The following SLCO1B1 variants were observed in gnomAD, a reference collection of about 807,000 sequenced individuals.
SLCO1B1 encodes OATP-2.
Under a neutral mutation model 70.1 loss-of-function variants are expected in SLCO1B1, and 81 were observed. That is an observed-to-expected ratio of 1.16 (90% CI 0.97 to 1.39). The LOEUF (loss-of-function observed/expected upper bound fraction) is 1.39. SLCO1B1 is among the 40% of genes most tolerant of loss of function. The pLI is 0.00. For missense variants in SLCO1B1, 895 were observed against 799.6 expected, an observed-to-expected ratio of 1.12 and a Z score of -1.44; for synonymous variants, 283 against 271.5, an observed-to-expected ratio of 1.04 and a Z score of -0.42.
In SLCO1B1 at chr12:21,205,973, A is replaced by AACTT; in HGVS notation, c.1440_1443dup (p.Ile482LeufsTer16). 1 of 1,612,320 alleles carries AACTT rather than the reference A, an allele frequency of 6.2e-7. No homozygotes were observed. The highest frequency in any genetic ancestry group is 8.5e-7 in the Non-Finnish European group (1 of 1,178,736). On this transcript the variant is annotated frameshift_variant, in exon 11 of 15. Transcript: ENST00000256958. LOFTEE classifies it high-confidence loss of function. ...AACCAGTCTGTGGAAACAATGGAATAACTTACATCTCACCCTGTCTAGCAG... is the reference window on the plus strand; with the variant it reads ...AACCAGTCTGTGGAAACAATGGAATAACTTACTTACATCTCACCCTGTCTAGCAG...
At chr12:21,212,998 T>C (rs1941306940) in intron 11 of SLCO1B1, among the ~76,000 whole-genome samples, 1 of 151,904 alleles carries the variant, frequency 6.6e-6, no homozygotes, top group Non-Finnish European at 1.5e-5. Context: ...AGCACACTGA[T>C]GGGTCTTGAC....
In SLCO1B1 at chr12:21,200,624, G is replaced by A. The variant is rs764782382; in HGVS notation, c.1087G>A (p.Val363Ile). ...TGCTTTTACTTATGTCTTCAAATAC[G>A]TAGAGCAACAGTATGGTCAGCCTTC... The part of the protein sequence containing the change: ...IGAFTYVFKY[V>I]EQQYGQPSSK... Residue 363 changes from valine (V) to isoleucine (I), a missense_variant, in exon 9 of 15, where the codon GTA (valine) becomes ATA (isoleucine). Transcript: ENST00000256958. 13 of 1,611,870 alleles carry A rather than the reference G, an allele frequency of 8.1e-6. No homozygotes were observed. In the East Asian group the frequency reaches 1.1e-4, roughly 14 times the overall value.
chr12:21,230,288 G>A lies in SLCO1B1; in HGVS notation c.1865+5449G>A, dbSNP rs369454278. 1.5e-3 allele frequency among the ~76,000 whole-genome samples: 210 copies of A among 142,952 alleles called. 4 individuals carry two copies. In the South Asian group the frequency reaches 0.042, roughly 29 times the overall value. 93.8% of individuals were successfully genotyped at this position (142,952 alleles called of 152,430 possible). ...TCTGATATTTTTTGAGAATTTTTGCGTCTATGTTCATGAGAGAAGTTGCTC... is the reference window on the plus strand; with the variant it reads ...TCTGATATTTTTTGAGAATTTTTGCATCTATGTTCATGAGAGAAGTTGCTC... On this transcript the variant is annotated intron_variant, in intron 14 of 14. Transcript: ENST00000256958.
chr12:21,148,753 T>C (rs1178559595), intron 2 of SLCO1B1, among the ~76,000 whole-genome samples: 1 of 151,426 alleles, frequency 6.6e-6, no homozygotes, highest in Admixed American at 6.6e-5. Flanking sequence ...TTTCCAATTC[T>C]GTGATGAAAG....
At chr12:21,184,264 G>A (rs1366493779) in intron 7 of SLCO1B1, among the ~76,000 whole-genome samples, 1 of 152,124 alleles carries the variant, frequency 6.6e-6, no homozygotes, top group Non-Finnish European at 1.5e-5. Context: ...CCTTTGAGAT[G>A]CTATAAAGAT....
At chr12:21,236,774 A>G (rs2199763) in intron 14 of SLCO1B1, among the ~76,000 whole-genome samples, 72,382 of 151,926 alleles carry the variant, frequency 0.48, 17,949 homozygotes, top group East Asian at 0.76. Context: ...GTACTTCTTT[A>G]TTCACCAGTA....
chr12:21,141,188 A>G (rs940100376), intron 1 of SLCO1B1, among the ~76,000 whole-genome samples: 5 of 152,010 alleles, frequency 3.3e-5, no homozygotes, highest in African/African-American at 1.2e-4. Context: ...TTTACAATAT[A>G]GGTGTGTAGA....
At chr12:21,208,413 A>G (rs1941238968) in intron 11 of SLCO1B1, among the ~76,000 whole-genome samples, 1 of 152,056 alleles carries the variant, frequency 6.6e-6, no homozygotes, top group African/African-American at 2.4e-5. Context: ...TCTTTTTGCT[A>G]ACTTCATTGA....
intron 2 of SLCO1B1, among the ~76,000 whole-genome samples, chr12:21,164,137 A>G (rs1191184087): frequency 6.6e-6 from 1 of 152,112 alleles, no homozygotes; most frequent in Non-Finnish European, 1.5e-5. Context: ...ATTAATATGG[A>G]TGAATTGTAC....
intron 8 of SLCO1B1, among the ~76,000 whole-genome samples, chr12:21,197,730 C>T (rs982825484): frequency 4.6e-5 from 7 of 151,928 alleles, no homozygotes; most frequent in Admixed American, 2.0e-4. Context: ...GAAGTTTCTC[C>T]CTATGTAATT....
intron 7 of SLCO1B1, among the ~76,000 whole-genome samples, chr12:21,190,253 G>T (rs1255237991): frequency 6.6e-6 from 1 of 152,214 alleles, no homozygotes; most frequent in South Asian, 2.1e-4. Context: ...CCAGTAAGGG[G>T]GAACAATAAT....
intron 11 of SLCO1B1, among the ~76,000 whole-genome samples, chr12:21,215,611 GCATCTATATT>G (rs1941348575): frequency 6.6e-6 from 1 of 152,050 alleles, no homozygotes; most frequent in Non-Finnish European, 1.5e-5. Flanking sequence ...GCACCTATAT[GCATCTATATT>G]CATCTATATT....
At chr12:21,195,525 C>G (rs888868168) in intron 7 of SLCO1B1, among the ~76,000 whole-genome samples, 1 of 152,238 alleles carries the variant, frequency 6.6e-6, no homozygotes, top group Non-Finnish European at 1.5e-5. Flanking sequence ...ATTTAAGCCA[C>G]CATTTTTGTG....
rs188698820 is a variant in SLCO1B1, at chr12:21,158,650, C to T, written c.85-14000C>T. Among the ~76,000 whole-genome samples, 39 of 152,036 alleles carry T rather than the reference C, an allele frequency of 2.6e-4. No individual in the cohort carries two copies. In the East Asian group the frequency reaches 3.1e-3, roughly 12 times the overall value. ...CAGAGGTTGCAGTGAGCCAAGACCA[C>T]GCCATTGCACTCCAGCCTTGGGGGA... On this transcript the variant is annotated intron_variant, in intron 2 of 14. Coordinates refer to ENST00000256958, the MANE Select transcript of SLCO1B1 (RefSeq NM_006446.5).
At chr12:21,236,121 G>A (rs890528508) in intron 14 of SLCO1B1, among the ~76,000 whole-genome samples, 6 of 152,256 alleles carry the variant, frequency 3.9e-5, no homozygotes, top group Admixed American at 1.3e-4. Flanking sequence ...GTACAGTGGA[G>A]AGAGTGGGAA....
At chr12:21,157,593 CTG>C (rs1218794378) in intron 2 of SLCO1B1, among the ~76,000 whole-genome samples, 1 of 148,044 alleles carries the variant, frequency 6.8e-6, no homozygotes, top group East Asian at 2.0e-4. Flanking sequence ...TTAATTAAGA[CTG>C]TAAAATTTTT....
chr12:21,174,444 T>G (rs549578231), intron 3 of SLCO1B1, 133 bp from the exon 4 acceptor site: 2 of 836,910 alleles, frequency 2.4e-6, no homozygotes, highest in African/African-American at 1.7e-5. Context: ...TGAATTCACC[T>G]TCTCAATTAA....
At chr12:21,231,679 G>GTA (rs1294304294) in intron 14 of SLCO1B1, among the ~76,000 whole-genome samples, 3 of 151,506 alleles carry the variant, frequency 2.0e-5, no homozygotes, top group Non-Finnish European at 4.4e-5. Context: ...ATACATATAT[G>GTA]TATATATGTG....
At chr12:21,200,034 C>A (rs1429417691) in intron 8 of SLCO1B1, among the ~76,000 whole-genome samples, 1 of 152,144 alleles carries the variant, frequency 6.6e-6, no homozygotes, top group Non-Finnish European at 1.5e-5. Flanking sequence ...TTCCTGACCC[C>A]AGGTGATCCA....
Sources: allele counts gnomAD v4.1 joint callset (sites outside exome capture counted in the v4.1 genomes callset), GRCh38; gene constraint gnomAD v4.1.1; transcripts MANE v1.5; gene names NCBI Gene and HGNC (gene_info 2026-07-23, HGNC 2026-07-21).